Variants in FBXO32 observed in about 807,000 individuals in gnomAD.
FBXO32 encodes F-box protein 32, also known as F-box only protein 32.
Under a neutral mutation model 48.3 loss-of-function variants are expected in FBXO32, and 15 were observed. The ratio of observed to expected loss-of-function variants is 0.31; its 90% confidence interval spans 0.21 to 0.48. The LOEUF (loss-of-function observed/expected upper bound fraction) is 0.48. Among genes scored for constraint, FBXO32 ranks in the 20% least tolerant of loss-of-function variants. The pLI is 0.99. For synonymous variants in FBXO32, 154 were observed against 165.9 expected, an observed-to-expected ratio of 0.93 and a Z score of 0.55; for missense variants, 309 against 432.7, an observed-to-expected ratio of 0.71 and a Z score of 2.54.
chr8:123,534,901 A>C (rs893934992), intron 1 of FBXO32, 87 bp from the exon 2 acceptor site: 10 of 748,808 alleles, frequency 1.3e-5, no homozygotes, highest in Non-Finnish European at 2.2e-5. Flanking sequence ...CTGAGTTATA[A>C]GACAAACAAA....
Position 123,507,295 on chromosome 8 carries a change from ATTTTAATC to A in FBXO32, c.652-729_652-722del, listed in dbSNP as rs1408625025. Among the ~76,000 whole-genome samples, 4 of 152,216 alleles carry A rather than the reference ATTTTAATC, an allele frequency of 2.6e-5. No individual in the cohort carries two copies. The East Asian group carries it at 5.8e-4, about 22-fold the overall frequency. On this transcript the variant is annotated intron_variant, in intron 6 of 8. Transcript: ENST00000517956. ...GAACTTAAGCTCTATGAAGGAAGGAATTTTAATCTTTTTTCACTACTGTGTCCAGGGTG... is the reference window on the plus strand; with the variant it reads ...GAACTTAAGCTCTATGAAGGAAGGAATTTTTTCACTACTGTGTCCAGGGTG...
intron 4 of FBXO32, among the ~76,000 whole-genome samples, chr8:123,521,854 A>C (rs761004032): frequency 4.6e-5 from 7 of 152,058 alleles, no homozygotes; most frequent in Non-Finnish European, 8.8e-5. Context: ...CATCTATAGG[A>C]AGGTTGCGTC....
At chr8:123,507,011 C>T (rs1387449069) in intron 6 of FBXO32, among the ~76,000 whole-genome samples, 2 of 152,164 alleles carry the variant, frequency 1.3e-5, no homozygotes, top group Admixed American at 6.5e-5. Context: ...TCACTGGCAC[C>T]TAAACACACC....
intron 4 of FBXO32, among the ~76,000 whole-genome samples, chr8:123,530,657 C>T (rs181751422): frequency 1.3e-5 from 2 of 152,272 alleles, no homozygotes; most frequent in Admixed American, 1.3e-4. Flanking sequence ...GCACTGTCGC[C>T]CAGGCTGGAG....
Position 123,513,221 on chromosome 8 carries a change from G to C in FBXO32, c.628C>G (p.Leu210Val). ...ACCCTGGTGATCTGAATGTTGTTCA[G>C]CTGCTGCTGCCAGTGGAGAATCGTC... ...METILHWQQQ[L>V]NNIQITRPAF... Residue 210 changes from leucine (L) to valine (V), a missense_variant, in exon 6 of 9, where the codon CTG becomes GTG. By Grantham distance (32) the Leu-to-Val change is conservative. Coordinates refer to ENST00000517956, the MANE Select transcript of FBXO32 (RefSeq NM_058229.4). This position sits in a 1 kb window ranked among gnomAD's most constrained non-coding sequence, Gnocchi z 4.3. 6.2e-7 allele frequency: 1 copy of C among 1,614,054 alleles called. No individual in the cohort carries two copies. Among genetic ancestry groups the C allele is most frequent in the Non-Finnish European group, 8.5e-7 (1 of 1,179,936 alleles).
chr8:123,524,123 C>T (rs531654605), intron 4 of FBXO32, among the ~76,000 whole-genome samples: 2 of 152,298 alleles, frequency 1.3e-5, no homozygotes, highest in South Asian at 4.1e-4. Context: ...TCCCCCATTT[C>T]CATGGGAACC....
At chr8:123,509,131 A>G (rs1816688079) in intron 6 of FBXO32, among the ~76,000 whole-genome samples, 1 of 152,126 alleles carries the variant, frequency 6.6e-6, no homozygotes, top group Non-Finnish European at 1.5e-5. Context: ...ATTCTTTATT[A>G]TATTAATTAT....
intron 6 of FBXO32, among the ~76,000 whole-genome samples, chr8:123,511,121 A>G (rs1816726034): frequency 6.6e-6 from 1 of 152,222 alleles, no homozygotes; most frequent in South Asian, 2.1e-4. Flanking sequence ...CATTGGATAA[A>G]TAGTTGGAAG....
At position 123,525,961 on chromosome 8, in the gene FBXO32, G is replaced by A. The variant is rs1488269764; in HGVS notation, c.372+5937C>T. Among the ~76,000 whole-genome samples, 1 of 151,844 alleles carries A rather than the reference G, an allele frequency of 6.6e-6. No individual in the cohort carries two copies. The highest frequency in any genetic ancestry group is 2.4e-5 in the African/African-American group (1 of 41,308). ...TCCAGTGGCTTCCTCCTGCGTACTA[G>A]ATAATATAGCCTCACACTCAAAGCC... On this transcript the variant is annotated intron_variant, in intron 4 of 8. Transcript: ENST00000517956. This position sits in a 1 kb window ranked among gnomAD's most constrained non-coding sequence, Gnocchi z 4.3.
At chr8:123,519,550 C>CAAAA (rs778974048) in intron 4 of FBXO32, among the ~76,000 whole-genome samples, 1 of 72,264 alleles carries the variant, frequency 1.4e-5, no homozygotes, top group African/African-American at 5.2e-5. Context: ...GACTCCATCT[C>CAAAA]AAAAAAAAAA....
Position 123,514,056 on chromosome 8 carries a change from T to C in FBXO32, c.466+184A>G, listed in dbSNP as rs1054815384. 9.4e-6 allele frequency: 5 copies of C among 529,248 alleles called. No homozygotes were observed. In the African/African-American group the frequency reaches 9.8e-5, roughly 10 times the overall value. The allele number at this position is 529,248 out of a possible 1,614,324, so 32.8% of individuals were successfully genotyped here. On this transcript the variant is annotated intron_variant, in intron 5 of 8. Transcript: ENST00000517956. The stretch of plus-strand genomic sequence containing the variant: ...ACAGGAGGGTGATGGTCTCACCCTT[T>C]GCCATGAGGATGAGTTGTACCCCTT...
intron 4 of FBXO32, among the ~76,000 whole-genome samples, chr8:123,528,550 G>A (rs1273316707): frequency 6.6e-6 from 1 of 152,166 alleles, no homozygotes; most frequent in Non-Finnish European, 1.5e-5. Flanking sequence ...ATGTCATTGG[G>A]GCTGTGTAGG....
rs1220243514 is a variant in FBXO32 at position 123,499,430 on chromosome 8, C to T, written c.*3943G>A. On this transcript the variant is annotated 3_prime_UTR_variant, in exon 9 of 9. Transcript: ENST00000517956. ...ATAGGATTTTAGGCCAGCATCCAGT[C>T]AGAAGAGATAGTTCACAGACTCAGA... The T allele has an allele frequency of 6.8e-6, 1 of 147,342 alleles. No homozygotes were observed. Among genetic ancestry groups the T allele is most frequent in the African/African-American group, 2.5e-5 (1 of 39,668 alleles). The allele number at this position is 147,342 out of a possible 1,614,324, so 9.1% of individuals were successfully genotyped here.
At chr8:123,529,394 A>T (rs1817154118) in intron 4 of FBXO32, among the ~76,000 whole-genome samples, 1 of 152,256 alleles carries the variant, frequency 6.6e-6, no homozygotes, top group Non-Finnish European at 1.5e-5. Context: ...AGTGGGTAAC[A>T]GTAAACATTA....
At chr8:123,515,468 C>T (rs905309872) in intron 4 of FBXO32, among the ~76,000 whole-genome samples, 1 of 149,938 alleles carries the variant, frequency 6.7e-6, no homozygotes, top group Admixed American at 6.6e-5. Flanking sequence ...AGGCTGCTCT[C>T]GAACTCCTGA....
rs750129988 is a variant in FBXO32, at chr8:123,507,436, A to AGGGG, written c.652-863_652-862insCCCC. On this transcript the variant is annotated intron_variant, in intron 6 of 8. Transcript: ENST00000517956. Reference sequence around the variant, plus strand: ...AACAATAACACAGAGACTCTGTGCTAGGGTGTGTGTGTGTGTGTGTGTGTG... The same window carrying AGGGG: ...AACAATAACACAGAGACTCTGTGCTAGGGGGGGTGTGTGTGTGTGTGTGTGTGTG... Among the ~76,000 whole-genome samples, 16 of 104,306 alleles carry AGGGG rather than the reference A, an allele frequency of 1.5e-4. 1 individual carries two copies. In the South Asian group the frequency reaches 4.6e-3, roughly 30 times the overall value. 68.4% of individuals were successfully genotyped at this position (104,306 alleles called of 152,430 possible).
intron 7 of FBXO32, among the ~76,000 whole-genome samples, chr8:123,505,236 A>T (rs1447124871): frequency 6.6e-6 from 1 of 152,240 alleles, no homozygotes; most frequent in African/African-American, 2.4e-5. Context: ...TTGAGGCAGC[A>T]TGATGAAGGG....
At chr8:123,515,483 A>G (rs1816822076) in intron 4 of FBXO32, among the ~76,000 whole-genome samples, 1 of 150,250 alleles carries the variant, frequency 6.7e-6, no homozygotes, top group African/African-American at 2.5e-5. Context: ...TCCTGACCTC[A>G]GGTGATCCAC....
Position 123,506,556 on chromosome 8 carries a change from T to C in FBXO32, c.670A>G (p.Thr224Ala), listed in dbSNP as rs140920462. 1.3e-4 allele frequency: 202 copies of C among 1,597,188 alleles called. No homozygotes were observed. Among genetic ancestry groups the C allele is most frequent in the Admixed American group, 1.5e-4 (9 of 58,796 alleles). Residue 224 changes from threonine (T) to alanine (A), a missense_variant, in exon 7 of 9, where the codon ACC becomes GCC. By Grantham distance (58) the Thr-to-Ala change is moderately conservative. Transcript: ENST00000517956. This position sits in a 1 kb window ranked among gnomAD's most constrained non-coding sequence, Gnocchi z 4.0. ...QITRPAFKGL[T>A]FTDLPLCLQL... ...AGGCACAAAGGCAGGTCAGTGAAGG[T>C]GAGGCCTTTGAAGGCAGGCTGCAGA...
Sources: allele counts gnomAD v4.1 joint callset (sites outside exome capture counted in the v4.1 genomes callset), GRCh38; gene constraint gnomAD v4.1.1; non-coding constraint Gnocchi (gnomAD v3.1); transcripts MANE v1.5; gene names NCBI Gene and HGNC (gene_info 2026-07-23, HGNC 2026-07-21).